The following GABRA3 variants were observed in gnomAD, a reference collection of about 807,000 sequenced individuals.
The protein encoded by GABRA3 is gamma-aminobutyric acid receptor subunit alpha-3.
Under a neutral mutation model 30.1 loss-of-function variants are expected in GABRA3, and 10 were observed. The observed-to-expected ratio is 0.33, with a 90% CI of 0.20 to 0.56. GABRA3 has a LOEUF of 0.56. Ranked by LOEUF, GABRA3 falls within the 20% of genes least tolerant of loss-of-function variation. The pLI is 0.89. For synonymous variants in GABRA3, 151 were observed against 146.8 expected (o/e 1.03, Z -0.21); for missense variants, 233 against 392.0 (o/e 0.59, Z 3.42).
At chrX:152,236,680 T>A (rs1490750728) in intron 5 of GABRA3, among the ~76,000 whole-genome samples, 1 of 106,944 alleles carries the variant, frequency 9.4e-6, no homozygotes, top group Non-Finnish European at 1.9e-5. Context: ...TTTTAATGAT[T>A]GCCATTCTAA....
intron 1 of GABRA3, among the ~76,000 whole-genome samples, chrX:152,446,555 TAA>T (rs1183184344): frequency 5.1e-5 from 5 of 97,539 alleles, no homozygotes; most frequent in Admixed American, 2.2e-4. Context: ...TCCCATATCC[TAA>T]AAAAAAAAAA....
intron 9 of GABRA3, among the ~76,000 whole-genome samples, chrX:152,184,161 C>T (rs926029756): frequency 3.7e-4 from 41 of 111,293 alleles, no homozygotes; most frequent in African/African-American, 1.3e-3. Context: ...ATTTACAAAT[C>T]TAAAGTAAAA....
rs190259083 is a variant in GABRA3 at position 152,284,740 on chromosome X, G to A, written c.263-5C>T. The A allele has an allele frequency of 7.5e-5, 88 of 1,167,282 alleles. No homozygotes were observed. In the African/African-American group the frequency reaches 1.1e-3, roughly 14 times the overall value. ...TCTTCACTTCAGTCACTGCATCTGC[G>A]TGAAAGAAAGTAGAAAAGCAGAATG... On this transcript the variant is annotated splice_region_variant and splice_polypyrimidine_tract_variant and intron_variant, in intron 3 of 9. Transcript: ENST00000370314.
chrX:152,316,256 A>G (rs1939876818), intron 3 of GABRA3, among the ~76,000 whole-genome samples: 1 of 110,503 alleles, frequency 9.0e-6, no homozygotes, highest in Non-Finnish European at 1.9e-5. Context: ...AGAAGAAAGC[A>G]CTTCAGAGCT....
intron 1 of GABRA3, among the ~76,000 whole-genome samples, chrX:152,367,403 G>A (rs917189782): frequency 3.1e-4 from 35 of 111,395 alleles, no homozygotes; most frequent in African/African-American, 1.1e-3. Flanking sequence ...CACGTGCTCA[G>A]GCCATTATAA....
In GABRA3 at chrX:152,168,238, C is replaced by T. The variant is rs78429013; in HGVS notation, c.1469G>A (p.Arg490His). The change falls in exon 10 of 10, where the codon CGC becomes CAC. Residue 490 changes from arginine (R) to histidine (H), a missense_variant. Arg to His is a conservative substitution (Grantham distance 29). Around this residue, in one of 6 missense-constraint regions of GABRA3, gnomAD observed 18 missense variants for 38.5 expected, o/e 0.47. Transcript: ENST00000370314. ...NRESAIKGMIRKQ is the reference protein window; with the variant it reads ...NRESAIKGMIHKQ Reference sequence around the variant, plus strand: ...CACTGCCACCACTATCTACTGTTTGCGGATCATGCCCTTGATAGCTGACTC... The same window carrying T: ...CACTGCCACCACTATCTACTGTTTGTGGATCATGCCCTTGATAGCTGACTC... 4.1e-6 allele frequency: 5 copies of T among 1,205,803 alleles called. No individual in the cohort carries two copies. The highest frequency in any genetic ancestry group is 4.4e-5 in the Admixed American group (2 of 45,665).
chrX:152,196,140 T>G (rs1937381785), intron 8 of GABRA3, among the ~76,000 whole-genome samples: 1 of 107,836 alleles, frequency 9.3e-6, no homozygotes, highest in Non-Finnish European at 1.9e-5. Flanking sequence ...ATCCCAGCAC[T>G]TTGGGAGGCT....
At chrX:152,411,639 T>C (rs1392015122) in intron 1 of GABRA3, among the ~76,000 whole-genome samples, 1 of 111,321 alleles carries the variant, frequency 9.0e-6, no homozygotes, top group Non-Finnish European at 1.9e-5. Flanking sequence ...AAAATAGAGG[T>C]TGGTCTTCAT....
Position 152,416,756 on chromosome X carries a change from G to C in GABRA3, c.-27+34390C>G, listed in dbSNP as rs867752821. On this transcript the variant is annotated intron_variant, in intron 1 of 9. Transcript: ENST00000370314. ...ACTATCTGATCTTTGACAAACCTGA[G>C]AAAAACAAGAAATGGGGAAAGGATT... Among the ~76,000 whole-genome samples, 650 of 110,522 alleles carry C rather than the reference G, an allele frequency of 5.9e-3. 8 individuals carry two copies. The highest frequency in any genetic ancestry group is 0.02 in the African/African-American group (621 of 30,394).
chrX:152,207,980 T>G (rs764979999), intron 7 of GABRA3, 21 bp downstream of exon 7: 3 of 1,196,308 alleles, frequency 2.5e-6, no homozygotes, highest in Non-Finnish European at 3.4e-6. Flanking sequence ...AAATGTTTGT[T>G]AAATAAAATA....
In GABRA3 at chrX:152,434,531, C is replaced by T. The variant is rs1260997364; in HGVS notation, c.-27+16615G>A. Among the ~76,000 whole-genome samples the T allele has an allele frequency of 2.7e-5, 3 of 111,570 alleles. No homozygotes were observed. In the Admixed American group the frequency reaches 2.9e-4, roughly 11 times the overall value. On this transcript the variant is annotated intron_variant, in intron 1 of 9. Coordinates refer to ENST00000370314, the MANE Select transcript of GABRA3 (RefSeq NM_000808.4). ...TTCACAAAAGACGGAAAAAACACTTCCCACCTCATTTTATGAGACTAGAGT... is the reference window on the plus strand; with the variant it reads ...TTCACAAAAGACGGAAAAAACACTTTCCACCTCATTTTATGAGACTAGAGT...
intron 9 of GABRA3, among the ~76,000 whole-genome samples, chrX:152,179,634 A>G (rs1318147183): frequency 9.1e-6 from 1 of 109,398 alleles, no homozygotes; most frequent in Non-Finnish European, 1.9e-5. Context: ...AGCTGGGACT[A>G]CAGGCGCCCG....
At chrX:152,319,770 T>C (rs1409117371) in intron 3 of GABRA3, among the ~76,000 whole-genome samples, 62 of 110,752 alleles carry the variant, frequency 5.6e-4, no homozygotes, top group Non-Finnish European at 1.9e-5. Flanking sequence ...AAAGGGACAG[T>C]CAGTAGAGTA....
chrX:152,444,315 A>G (rs1931009495), intron 1 of GABRA3, among the ~76,000 whole-genome samples: 2 of 111,718 alleles, frequency 1.8e-5, no homozygotes, highest in Non-Finnish European at 3.8e-5. Context: ...CATAAGCTCA[A>G]GAACTAGCAA....
At chrX:152,270,342 C>T (rs1419210176) in intron 4 of GABRA3, among the ~76,000 whole-genome samples, 3 of 111,684 alleles carry the variant, frequency 2.7e-5, no homozygotes, top group Non-Finnish European at 3.8e-5. Flanking sequence ...TGTACGTTTC[C>T]TGAGGCCTCC....
chrX:152,199,148 CG>C (rs1937433499), intron 7 of GABRA3, among the ~76,000 whole-genome samples: 1 of 110,712 alleles, frequency 9.0e-6, no homozygotes, highest in African/African-American at 3.3e-5. Flanking sequence ...GGGCAGATTA[CG>C]AGGTCAGGAG....
intron 9 of GABRA3, among the ~76,000 whole-genome samples, chrX:152,171,639 T>C (rs972637559): frequency 2.7e-5 from 3 of 111,509 alleles, no homozygotes; most frequent in Non-Finnish European, 3.8e-5. Context: ...ATGATGGATG[T>C]TTACTGAATG....
chrX:152,170,013 A>G (rs1186134326), intron 9 of GABRA3, among the ~76,000 whole-genome samples: 1 of 111,851 alleles, frequency 8.9e-6, no homozygotes, highest in African/African-American at 3.3e-5. Context: ...TATTTACTGA[A>G]TGCGTACTGG....
At chrX:152,271,297 G>A (rs1393003789) in intron 4 of GABRA3, among the ~76,000 whole-genome samples, 1 of 111,756 alleles carries the variant, frequency 8.9e-6, no homozygotes, top group Non-Finnish European at 1.9e-5. Flanking sequence ...GGACCAAAAT[G>A]CTGATGATGA....
Sources: gnomAD v4.1 joint callset for allele counts (sites outside exome capture counted in the v4.1 genomes callset) on GRCh38, gnomAD v4.1.1 for gene constraint, gnomAD v4.1.1 regional missense constraint, MANE v1.5 for transcripts, NCBI Gene and HGNC (gene_info 2026-07-23, HGNC 2026-07-21) for gene names.